The following PSD4 variants were observed in gnomAD, a reference collection of about 807,000 sequenced individuals.
The protein encoded by PSD4 is PH and SEC7 domain-containing protein 4.
A neutral mutation model predicts 112.5 loss-of-function variants in PSD4; 59 were observed. That is an observed-to-expected ratio of 0.52 (90% confidence interval 0.43 to 0.65). PSD4 has a LOEUF of 0.65. Among genes scored for constraint, PSD4 ranks in the 30% least tolerant of loss-of-function variants. The probability of loss-of-function intolerance (pLI) is 0.00; values close to 1 mark genes in which losing one functional copy is unlikely to be tolerated. For synonymous variants in PSD4, 533 were observed against 540.0 expected (o/e 0.99, Z 0.18); for missense variants, 1,267 against 1,352.6 (o/e 0.94, Z 0.99).
At chr2:113,198,110 C>T (rs1337260270) in intron 14 of PSD4, 197 bp downstream of exon 14, 2 of 688,404 alleles carry the variant, frequency 2.9e-6, no homozygotes, top group Non-Finnish European at 4.5e-6. Flanking sequence ...CGCCTACTTC[C>T]TCCCCATCCT....
At chr2:113,193,792 T>G in intron 9 of PSD4, 67 bp from the exon 10 acceptor site, 1 of 1,577,956 alleles carries the variant, frequency 6.3e-7, no homozygotes, top group African/African-American at 1.3e-5. Flanking sequence ...CCATGGTTGC[T>G]GGCTGGGAGG....
chr2:113,184,817 TG>T, intron 2 of PSD4, 139 bp from the exon 3 acceptor site: 1 of 1,253,590 alleles, frequency 8.0e-7, no homozygotes, highest in Non-Finnish European at 1.1e-6. Context: ...CTCCTTGGGC[TG>T]GCACCACCTG....
In PSD4 at chr2:113,193,663, A is replaced by G; in HGVS notation, c.2091+13A>G. The stretch of plus-strand genomic sequence containing the variant: ...CCTGCATGGACAGGTAAGACGGTGG[A>G]GAGAGTCCCTGTGGGAACTGAGGCT... On this transcript the variant is annotated intron_variant, in intron 9 of 16. Coordinates refer to ENST00000245796, the MANE Select transcript of PSD4 (RefSeq NM_012455.3). 1.2e-6 allele frequency: 2 copies of G among 1,611,112 alleles called. No individual in the cohort carries two copies. Among genetic ancestry groups the G allele is most frequent in the Non-Finnish European group, 1.7e-6 (2 of 1,177,300 alleles).
At chr2:113,192,706 T>C (rs45487001) in intron 6 of PSD4, 117 bp downstream of exon 6, 45,287 of 1,072,452 alleles carry the variant, frequency 0.042, 1,228 homozygotes, top group Non-Finnish European at 0.052. Flanking sequence ...TCCCTTCCCA[T>C]CTCCCCTCCT....
Position 113,185,948 on chromosome 2 carries a change from G to A in PSD4, c.1321G>A (p.Ala441Thr), listed in dbSNP as rs1688288174. 1.2e-6 allele frequency: 2 copies of A among 1,613,908 alleles called. No homozygotes were observed. Among genetic ancestry groups the A allele is most frequent in the Non-Finnish European group, 1.7e-6 (2 of 1,179,916 alleles). Residue 441 changes from alanine (A) to threonine (T), a missense_variant, in exon 5 of 17, where the codon GCT (alanine) becomes ACT (threonine). Around this residue, in one of 2 missense-constraint regions of PSD4, gnomAD observed 723 missense variants for 704.0 expected, o/e 1.03. Coordinates refer to ENST00000245796, the MANE Select transcript of PSD4 (RefSeq NM_012455.3). Reference protein sequence around the residue: ...TLAPCPWRSPASSPEPSSPES... With the variant: ...TLAPCPWRSPTSSPEPSSPES... ...GGCCCCCTGCCCCTGGAGGAGCCCA[G>A]CTTCTTCTCCAGAGCCTAGCAGCCC... is the stretch of plus-strand genomic sequence containing the variant.
chr2:113,182,563 C>G lies in PSD4; in HGVS notation c.107C>G (p.Thr36Arg), dbSNP rs369143331. The stretch of plus-strand genomic sequence containing the variant: ...CACCCAGGAGAGTGCCCAAGGGAAA[C>G]GTGCAGCCATGAGGATCCACCGGAG... ...EPHPGECPRE[T>R]CSHEDPPEPF... is the part of the protein sequence containing the mutation. The change falls in exon 2 of 17, where the codon ACG (threonine) becomes AGG (arginine). Residue 36 changes from threonine to arginine, a missense_variant. This residue lies in a region of PSD4 where 723 missense variants were observed against 704.0 expected (regional missense o/e 1.03). Transcript: ENST00000245796. The G allele has an allele frequency of 1.2e-6, 2 of 1,614,194 alleles. No individual in the cohort carries two copies.
rs1041376848 is a variant in PSD4 at position 113,203,101 on chromosome 2, C to T, written c.*1686C>T. On this transcript the variant is annotated 3_prime_UTR_variant, in exon 17 of 17. Transcript: ENST00000245796. ...CATAGGCCATCAAAGCTGGAGGAGA[C>T]CTCAGAATCATTCATTCACCTACTT... is the stretch of plus-strand genomic sequence containing the variant. 6.6e-6 allele frequency: 1 copy of T among 152,290 alleles called. No homozygotes were observed. The highest frequency in any genetic ancestry group is 1.5e-5 in the Non-Finnish European group (1 of 68,062). The allele number at this position is 152,290 out of a possible 1,614,324, so 9.4% of individuals were successfully genotyped here. A position where few individuals can be genotyped will look rare whatever the true frequency, so the allele number is the denominator to read the frequency against.
chr2:113,197,481 G>C, intron 12 of PSD4, 83 bp from the exon 13 acceptor site: 1 of 1,427,908 alleles, frequency 7.0e-7, no homozygotes, highest in Non-Finnish European at 9.8e-7. Context: ...GGGACAGGGG[G>C]CATATGCACA....
intron 1 of PSD4, among the ~76,000 whole-genome samples, chr2:113,176,067 G>A (rs1687965199): frequency 2.6e-5 from 4 of 152,186 alleles, no homozygotes; most frequent in African/African-American, 9.7e-5. Flanking sequence ...CCCTGAAGTG[G>A]GCAAAGGAGG....
intron 4 of PSD4, 90 bp from the exon 5 acceptor site, chr2:113,185,787 G>T: frequency 6.4e-7 from 1 of 1,552,094 alleles, no homozygotes. Flanking sequence ...TCCAGGGGAG[G>T]AGCCCCAGGG....
chr2:113,197,503 C>T, intron 12 of PSD4, 61 bp from the exon 13 acceptor site: 1 of 1,582,444 alleles, frequency 6.3e-7, no homozygotes, highest in Non-Finnish European at 8.7e-7. Flanking sequence ...TTGCGTGTGT[C>T]TGAGTGTGTC....
At chr2:113,185,641 C>T (rs779977447) in intron 4 of PSD4, 38 of 1,547,508 alleles carry the variant, frequency 2.5e-5, no homozygotes, top group South Asian at 2.0e-4. Flanking sequence ...CATTTCTTAC[C>T]GCTGGGTCTT....
rs1435369667 is a variant in PSD4 at position 113,184,949 on chromosome 2, C to G, written c.1057-8C>G. 30 of 1,613,868 alleles carry G rather than the reference C, an allele frequency of 1.9e-5. No homozygotes were observed. The highest frequency in any genetic ancestry group is 2.5e-5 in the Non-Finnish European group (29 of 1,179,974). The stretch of plus-strand genomic sequence containing the variant: ...CTTCTCTCCTCTGTCTCTCTCTCGA[C>G]TTCTCAGGGAGATAGGCTTGGTCCT... On this transcript the variant is annotated splice_polypyrimidine_tract_variant and splice_region_variant and intron_variant, in intron 2 of 16. Coordinates refer to ENST00000245796, the MANE Select transcript of PSD4 (RefSeq NM_012455.3).
chr2:113,182,594 C>T lies in PSD4; in HGVS notation c.138C>T (p.Phe46=), dbSNP rs139939908. 1.4e-5 allele frequency: 22 copies of T among 1,614,042 alleles called. No individual in the cohort carries two copies. In the African/African-American group the frequency reaches 1.6e-4, roughly 12 times the overall value. ...TCSHEDPPEP[F]EEQTWATDPP... ...GCCATGAGGATCCACCGGAGCCTTTCGAGGAGCAAACCTGGGCCACTGACC... is the reference window on the plus strand; with the variant it reads ...GCCATGAGGATCCACCGGAGCCTTTTGAGGAGCAAACCTGGGCCACTGACC... The change falls in exon 2 of 17, where the codon TTC becomes TTT. Residue 46 remains phenylalanine, a synonymous_variant. Coordinates refer to ENST00000245796, the MANE Select transcript of PSD4 (RefSeq NM_012455.3).
At chr2:113,185,251 T>C (rs1688262247) in intron 3 of PSD4, 114 bp from the exon 4 acceptor site, 2 of 1,540,488 alleles carry the variant, frequency 1.3e-6, no homozygotes, top group Non-Finnish European at 8.9e-7. Flanking sequence ...GGCTTCTGCC[T>C]ACTCATGGCA....
In PSD4 at chr2:113,193,314, T is replaced by A. The variant is rs748377347; in HGVS notation, c.1976T>A (p.Leu659His). ...SGETQERERILYQFSRRFHHC... is the reference protein window; with the variant it reads ...SGETQERERIHYQFSRRFHHC... ...GAGACTCAGGAACGGGAGCGAATCC[T>A]CTACCAGTTCTCCAGACGCTTCCAC... is the stretch of plus-strand genomic sequence containing the variant. Residue 659 changes from leucine to histidine, a missense_variant, in exon 8 of 17, where the codon CTC (leucine) becomes CAC (histidine). Physicochemically the swap from Leu to His is moderately conservative, Grantham distance 99. Around this residue, in one of 2 missense-constraint regions of PSD4, gnomAD observed 544 missense variants for 648.6 expected, o/e 0.84. Transcript: ENST00000245796. 1 of 1,600,520 alleles carries A rather than the reference T, an allele frequency of 6.2e-7. No individual in the cohort carries two copies. The highest frequency in any genetic ancestry group is 8.5e-7 in the Non-Finnish European group (1 of 1,175,820).
Position 113,182,964 on chromosome 2 carries a change from C to T in PSD4, c.508C>T (p.Leu170=), listed in dbSNP as rs367839055. The part of the protein sequence containing the change: ...ILQAQMCVLD[L]EEELEKTEGL... ...GCAGGCCCAGATGTGTGTCCTAGACCTGGAGGAGGAGCTGGAGAAGACGGA... is the reference window on the plus strand; with the variant it reads ...GCAGGCCCAGATGTGTGTCCTAGACTTGGAGGAGGAGCTGGAGAAGACGGA... The change falls in exon 2 of 17, where the codon CTG becomes TTG. Residue 170 remains leucine (L), a synonymous_variant. Coordinates refer to ENST00000245796, the MANE Select transcript of PSD4 (RefSeq NM_012455.3). 2.4e-5 allele frequency: 39 copies of T among 1,614,090 alleles called. No homozygotes were observed. The highest frequency in any genetic ancestry group is 3.1e-5 in the Non-Finnish European group (36 of 1,180,044).
chr2:113,184,094 G>A (rs1281486518), intron 2 of PSD4, among the ~76,000 whole-genome samples: 1 of 152,222 alleles, frequency 6.6e-6, no homozygotes, highest in Admixed American at 6.5e-5. Context: ...ATGGGGACAT[G>A]CTCTGTGAGA....
Position 113,197,844 on chromosome 2 carries a change from A to G in PSD4, c.2555A>G (p.His852Arg). The G allele has an allele frequency of 6.2e-7, 1 of 1,610,388 alleles. No homozygotes were observed. The highest frequency in any genetic ancestry group is 8.5e-7 in the Non-Finnish European group (1 of 1,177,574). ...VHHSLATPAT[H>R]YTKKPHVFQL... is the part of the protein sequence containing the mutation. Reference sequence around the variant, plus strand: ...CACTCGCTGGCCACCCCCGCCACGCATTACACCAAGAAGCCGCACGTCTTC... The same window carrying G: ...CACTCGCTGGCCACCCCCGCCACGCGTTACACCAAGAAGCCGCACGTCTTC... The change falls in exon 14 of 17, where the codon CAT becomes CGT. Residue 852 changes from histidine (H) to arginine (R), a missense_variant. This residue lies in a region of PSD4 where 544 missense variants were observed against 648.6 expected (regional missense o/e 0.84). Transcript: ENST00000245796.
Sources: gnomAD v4.1 joint callset for allele counts (sites outside exome capture counted in the v4.1 genomes callset) on GRCh38, gnomAD v4.1.1 for gene constraint, gnomAD v4.1.1 regional missense constraint, MANE v1.5 for transcripts, NCBI Gene and HGNC (gene_info 2026-07-23, HGNC 2026-07-21) for gene names.